The following SETSIP variants were observed in gnomAD, a reference collection of about 807,000 sequenced individuals.
SETSIP encodes the protein SET like protein.
Under a neutral mutation model 21.9 loss-of-function variants are expected in SETSIP, and 15 were observed. The ratio of observed to expected loss-of-function variants is 0.69; its 90% CI spans 0.46 to 1.06. SETSIP has a LOEUF of 1.06. Among genes scored for constraint, SETSIP ranks in the 50% least tolerant of loss-of-function variants. The probability of loss-of-function intolerance (pLI) is 0.00; values close to 1 mark genes in which losing one functional copy is unlikely to be tolerated. For missense variants in SETSIP, 310 were observed against 337.4 expected, an observed-to-expected ratio of 0.92 and a Z score of 0.64; for synonymous variants, 101 against 121.2, an observed-to-expected ratio of 0.83 and a Z score of 1.09.
chr1:92,074,657 T>C (rs757640225), exon 1 of SETSIP: 25 of 1,579,224 alleles, frequency 1.6e-5, no homozygotes, highest in East Asian at 2.2e-5. Flanking sequence ...ATCACCATCA[T>C]CATCATCATC....
At chr1:92,074,949 C>G (rs1647807194) in exon 1 of SETSIP, 1 of 1,611,408 alleles carries the variant, frequency 6.2e-7, no homozygotes, top group Non-Finnish European at 8.5e-7. Context: ...AGATGAAATT[C>G]TTTGGAGAAA....
exon 1 of SETSIP, chr1:92,074,783 G>A: frequency 6.2e-7 from 1 of 1,611,016 alleles, no homozygotes; most frequent in Admixed American, 1.7e-5. Flanking sequence ...ACCTGCATCA[G>A]AATGATCAGT....
exon 1 of SETSIP, chr1:92,074,697 C>A: frequency 1.3e-6 from 2 of 1,598,160 alleles, no homozygotes; most frequent in Non-Finnish European, 8.5e-7. Context: ...TCTTCATCAT[C>A]CATATCAGGA....
At chr1:92,075,088 C>T in exon 1 of SETSIP, 2 of 1,611,876 alleles carry the variant, frequency 1.2e-6, no homozygotes, top group Admixed American at 3.3e-5. Context: ...CCTCCCCAAG[C>T]AGTGAAGACA....
chr1:92,074,565 C>T (rs1326800402), exon 1 of SETSIP: 18 of 1,573,606 alleles, frequency 1.1e-5, no homozygotes, highest in Non-Finnish European at 1.5e-5. Context: ...TCCTCTCCTT[C>T]CTCCCCTTCA....
chr1:92,074,720 T>C lies in SETSIP; in HGVS notation c.692A>G (p.Gln231Arg), dbSNP rs1647803502. 3 of 1,604,994 alleles carry C rather than the reference T, an allele frequency of 1.9e-6. No individual in the cohort carries two copies. In the South Asian group the frequency reaches 3.3e-5, roughly 18 times the overall value. Residue 231 changes from glutamine to arginine, a missense_variant, in exon 1 of 1, where the codon CAG becomes CGG. Coordinates refer to ENST00000596516, the Ensembl canonical transcript of SETSIP. ...ATCCATATCAGGAACCAAGTAATAC[T>C]GTAATGGGTTTGGCCAAATATCATC... is the stretch of plus-strand genomic sequence containing the variant.
chr1:92,075,389 G>A (rs1647816819), exon 1 of SETSIP: 2 of 1,596,010 alleles, frequency 1.3e-6, no homozygotes, highest in Non-Finnish European at 1.7e-6. Context: ...AAGTGGGAGT[G>A]GAGACTGGCG....
rs1647808596 is a variant in SETSIP at position 92,074,998 on chromosome 1, A to G, written c.414T>C (p.Asp138=). The G allele has an allele frequency of 2.5e-6, 4 of 1,611,554 alleles. No homozygotes were observed. In the Admixed American group the frequency reaches 6.7e-5, roughly 27 times the overall value. Reference sequence around the variant, plus strand: ...AGTAAGGATTTTCATCAAAATAAAAATCTATTCTGTAACCTGATTTAATAT... The same window carrying G: ...AGTAAGGATTTTCATCAAAATAAAAGTCTATTCTGTAACCTGATTTAATAT... The change falls in exon 1 of 1, where the codon GAT becomes GAC. Residue 138 remains aspartate (D), a synonymous_variant. Transcript: ENST00000596516.
In SETSIP at chr1:92,075,072, C is replaced by T. The variant is rs187962727; in HGVS notation, c.340G>A (p.Glu114Lys). 8.3e-4 allele frequency: 1,339 copies of T among 1,611,902 alleles called. 3 individuals are homozygous for T. In the Middle Eastern group the frequency reaches 0.014, roughly 17 times the overall value. Reference sequence around the variant, plus strand: ...TTAGTCAAATAATGCAGTGCCTCTTCGTCCTCCTCCCCAAGCAGTGAAGAC... The same window carrying T: ...TTAGTCAAATAATGCAGTGCCTCTTTGTCCTCCTCCCCAAGCAGTGAAGAC... Residue 114 changes from glutamate to lysine, a missense_variant, in exon 1 of 1, where the codon GAA becomes AAA. By Grantham distance (56) the Glu-to-Lys change is moderately conservative. Transcript: ENST00000596516.
Position 92,074,956 on chromosome 1 carries a change from G to T in SETSIP, c.456C>A (p.Phe152Leu), listed in dbSNP as rs936887951. ...TCTCATTCAGATGAAATTCTTTGGA[G>T]AAAACTTTATTTTCAAAGTAAGGAT... Residue 152 changes from phenylalanine (F) to leucine (L), a missense_variant, in exon 1 of 1, where the codon TTC becomes TTA. Transcript: ENST00000596516. 3.7e-6 allele frequency: 6 copies of T among 1,611,360 alleles called. No individual in the cohort carries two copies. The African/African-American group carries it at 8.0e-5, about 22-fold the overall frequency.
At chr1:92,074,865 A>C (rs1647805927) in exon 1 of SETSIP, 1 of 1,611,500 alleles carries the variant, frequency 6.2e-7, no homozygotes, top group Non-Finnish European at 8.5e-7. Context: ...GTTTGACTTG[A>C]ACGTTTCGTC....
exon 1 of SETSIP, chr1:92,075,336 C>G: frequency 6.2e-7 from 1 of 1,611,586 alleles, no homozygotes; most frequent in South Asian, 1.1e-5. Flanking sequence ...GCCGATGTCT[C>G]CTCCAGTCCC....
Position 92,075,042 on chromosome 1 carries a change from C to T in SETSIP, c.370G>A (p.Glu124Lys), listed in dbSNP as rs1320615005. The T allele has an allele frequency of 4.3e-6, 7 of 1,611,730 alleles. No individual in the cohort carries two copies. The East Asian group carries it at 1.6e-4, about 36-fold the overall frequency. Residue 124 changes from glutamate to lysine, a missense_variant, in exon 1 of 1, where the codon GAA becomes AAA. Glu to Lys is a moderately conservative substitution (Grantham distance 56). Transcript: ENST00000596516. ...TTAATATCTTCAAATTCTGTCACTT[C>T]AACTTTAGTCAAATAATGCAGTGCC...
At chr1:92,075,318 C>T in exon 1 of SETSIP, 1 of 1,611,842 alleles carries the variant, frequency 6.2e-7, no homozygotes. Context: ...TTCGGCAAGC[C>T]TGCAGAGGCC....
In SETSIP at chr1:92,075,252, C is replaced by A. The variant is rs1339451456; in HGVS notation, c.160G>T (p.Glu54Ter). Reference sequence around the variant, plus strand: ...TCTTGTTCATTAAGTCTGTCTATTTCATTTTGTACTTCATCAATGTGTTCA... The same window carrying A: ...TCTTGTTCATTAAGTCTGTCTATTTAATTTTGTACTTCATCAATGTGTTCA... Residue 54 changes from glutamate (E) to a stop codon, truncating the protein, a stop_gained, in exon 1 of 1, where the codon GAA (glutamate) becomes TAA (stop). Coordinates refer to ENST00000596516, the Ensembl canonical transcript of SETSIP. LOFTEE classifies it high-confidence loss of function. 1.9e-5 allele frequency: 30 copies of A among 1,611,806 alleles called. No individual in the cohort carries two copies. In the African/African-American group the frequency reaches 2.0e-4, roughly 11 times the overall value.
chr1:92,075,131 A>G, exon 1 of SETSIP: 7 of 1,611,860 alleles, frequency 4.3e-6, no homozygotes, highest in Non-Finnish European at 5.1e-6. Flanking sequence ...TGTTACCCCA[A>G]AATTTGGGAT....
chr1:92,075,316 G>T (rs1374884669), exon 1 of SETSIP: 3 of 1,611,674 alleles, frequency 1.9e-6, no homozygotes, highest in Admixed American at 3.3e-5. Context: ...TCTTCGGCAA[G>T]CCTGCAGAGG....
chr1:92,075,036 T>C (rs1289582156), exon 1 of SETSIP: 2 of 1,611,828 alleles, frequency 1.2e-6, no homozygotes, highest in African/African-American at 2.7e-5. Context: ...TCAAATTCTG[T>C]CACTTCAACT....
chr1:92,075,362 C>CT lies in SETSIP; in HGVS notation c.49dup (p.Arg17LysfsTer30). On this transcript the variant is annotated frameshift_variant, in exon 1 of 1. Transcript: ENST00000596516. LOFTEE classifies it high-confidence loss of function. ...CTCCAGTCCCAGAGCAGGAGGTGGTCTTGGTTTCTTCTTTTGAAGTGGGAG... is the reference window on the plus strand; with the variant it reads ...CTCCAGTCCCAGAGCAGGAGGTGGTCTTTGGTTTCTTCTTTTGAAGTGGGAG... 2 of 1,608,648 alleles carry CT rather than the reference C, an allele frequency of 1.2e-6. No homozygotes were observed. Among genetic ancestry groups the CT allele is most frequent in the South Asian group, 2.2e-5 (2 of 90,682 alleles).
Sources: allele counts gnomAD v4.1 joint callset, GRCh38; gene constraint gnomAD v4.1.1; transcripts MANE v1.5; gene names NCBI Gene and HGNC (gene_info 2026-07-23, HGNC 2026-07-21).